LURAP1L: variants seen among roughly 807,000 people sequenced by gnomAD.
LURAP1L encodes leucine rich adaptor protein 1 like, also known as leucine rich adaptor protein 1-like.
A neutral mutation model predicts 13.8 loss-of-function variants in LURAP1L; 12 were observed. The observed-to-expected ratio is 0.87, with a 90% confidence interval of 0.56 to 1.41. The LOEUF (loss-of-function observed/expected upper bound fraction) is 1.41, where lower values mean the gene tolerates loss of function less well. LURAP1L is among the 40% of genes most tolerant of loss of function. The probability of loss-of-function intolerance (pLI) is 0.00; values close to 1 mark genes in which losing one functional copy is unlikely to be tolerated. For missense variants in LURAP1L, 375 were observed against 292.9 expected (o/e 1.28, Z -2.04); for synonymous variants, 139 against 119.2 (o/e 1.17, Z -1.08).
At chr9:12,790,727 G>C (rs952369804) in intron 1 of LURAP1L, 3 of 150,708 alleles carry the variant, frequency 2.0e-5, no homozygotes, top group African/African-American at 4.9e-5. Context: ...CGGAAGAGTA[G>C]AGAAATGAAA....
At chr9:12,795,675 C>CAACA (rs1296313553) in intron 1 of LURAP1L, among the ~76,000 whole-genome samples, 1 of 152,006 alleles carries the variant, frequency 6.6e-6, no homozygotes, top group Non-Finnish European at 1.5e-5. Context: ...GTTTGAAAGG[C>CAACA]AACACGACCA....
chr9:12,809,831 T>C (rs1819712374), intron 1 of LURAP1L, among the ~76,000 whole-genome samples: 1 of 152,236 alleles, frequency 6.6e-6, no homozygotes, highest in African/African-American at 2.4e-5. Flanking sequence ...TCTAGTATCC[T>C]TGCTTTTGTC....
intron 1 of LURAP1L, among the ~76,000 whole-genome samples, chr9:12,786,031 C>T (rs1303399113): frequency 6.6e-6 from 1 of 152,056 alleles, no homozygotes; most frequent in Admixed American, 6.6e-5. Flanking sequence ...GTTTGGATAT[C>T]ATTTTTCTTA....
intron 1 of LURAP1L, among the ~76,000 whole-genome samples, chr9:12,801,785 G>A (rs962402835): frequency 3.3e-5 from 5 of 152,158 alleles, no homozygotes; most frequent in African/African-American, 1.2e-4. Flanking sequence ...ACAAGAGGAA[G>A]AACATATTTG....
intron 1 of LURAP1L, chr9:12,777,204 G>A (rs752335124): frequency 1.0e-6 from 1 of 983,452 alleles, no homozygotes; most frequent in Non-Finnish European, 1.2e-6. Flanking sequence ...TTTTAGGTTG[G>A]ACAAAAATTT....
rs765252228 is a variant in LURAP1L, at chr9:12,775,963, G to A, written c.248G>A (p.Arg83Gln). The A allele has an allele frequency of 4.4e-6, 7 of 1,598,338 alleles. No homozygotes were observed. Among genetic ancestry groups the A allele is most frequent in the East Asian group, 2.3e-5 (1 of 43,950 alleles). ...SSSSPTSGSPRGSHSSALERL... is the reference protein window; with the variant it reads ...SSSSPTSGSPQGSHSSALERL... ...TCCTCCCCAACCTCTGGCTCCCCACGAGGTAGCCACTCTAGCGCCCTGGAG... is the reference window on the plus strand; with the variant it reads ...TCCTCCCCAACCTCTGGCTCCCCACAAGGTAGCCACTCTAGCGCCCTGGAG... The change falls in exon 1 of 2, where the codon CGA becomes CAA. Residue 83 changes from arginine (R) to glutamine (Q), a missense_variant. By Grantham distance (43) the Arg-to-Gln change is conservative. Transcript: ENST00000319264.
At chr9:12,801,608 A>G (rs535997487) in intron 1 of LURAP1L, among the ~76,000 whole-genome samples, 1 of 152,326 alleles carries the variant, frequency 6.6e-6, no homozygotes, top group African/African-American at 2.4e-5. Flanking sequence ...TAAATGGACA[A>G]ATGATAAATT....
chr9:12,820,178 A>G (rs1819854216), intron 1 of LURAP1L, among the ~76,000 whole-genome samples: 1 of 152,136 alleles, frequency 6.6e-6, no homozygotes, highest in Non-Finnish European at 1.5e-5. Flanking sequence ...CTGTGGAGAT[A>G]GATATCCCTG....
intron 1 of LURAP1L, among the ~76,000 whole-genome samples, chr9:12,788,495 C>G (rs865961339): frequency 6.6e-6 from 1 of 151,900 alleles, no homozygotes; most frequent in African/African-American, 2.4e-5. Context: ...AATAATAAAT[C>G]GGTACAAAAA....
At chr9:12,783,465 T>C (rs896452755) in intron 1 of LURAP1L, among the ~76,000 whole-genome samples, 1 of 152,208 alleles carries the variant, frequency 6.6e-6, no homozygotes, top group Non-Finnish European at 1.5e-5. Flanking sequence ...AATTATCATA[T>C]GGTTTATTCC....
chr9:12,811,673 A>G lies in LURAP1L; in HGVS notation c.313-9713A>G, dbSNP rs113333452. Among the ~76,000 whole-genome samples the G allele has an allele frequency of 2.6e-3, 394 of 152,362 alleles. 1 individual carries two copies. Among genetic ancestry groups the G allele is most frequent in the African/African-American group, 9.0e-3 (376 of 41,590 alleles). ...ATCAACAAAATTATCCACAAGTGGAAAGATCTCTAGGACCTTGCTAAAGTG... is the reference window on the plus strand; with the variant it reads ...ATCAACAAAATTATCCACAAGTGGAGAGATCTCTAGGACCTTGCTAAAGTG... On this transcript the variant is annotated intron_variant, in intron 1 of 1. Transcript: ENST00000319264.
intron 1 of LURAP1L, among the ~76,000 whole-genome samples, chr9:12,809,323 T>C (rs1397993353): frequency 2.0e-5 from 3 of 152,176 alleles, no homozygotes; most frequent in Non-Finnish European, 4.4e-5. Context: ...TTTTTATTTC[T>C]TTTTTCTTTT....
chr9:12,811,173 G>T lies in LURAP1L; in HGVS notation c.313-10213G>T, dbSNP rs1269033033. ...CTCAAAGCACATTTTGAAATTAAAT[G>T]AGGAATTCTGAAAAGCAAGATTGCA... On this transcript the variant is annotated intron_variant, in intron 1 of 1. Transcript: ENST00000319264. 4.6e-5 allele frequency among the ~76,000 whole-genome samples: 7 copies of T among 152,266 alleles called. No homozygotes were observed. The East Asian group carries it at 1.4e-3, about 29-fold the overall frequency.
At chr9:12,805,125 T>G (rs970757355) in intron 1 of LURAP1L, among the ~76,000 whole-genome samples, 4 of 152,142 alleles carry the variant, frequency 2.6e-5, no homozygotes, top group Admixed American at 2.0e-4. Flanking sequence ...TATCTAAAGA[T>G]TCATCTTGAT....
chr9:12,785,809 G>A (rs1474729796), intron 1 of LURAP1L, among the ~76,000 whole-genome samples: 3 of 152,154 alleles, frequency 2.0e-5, no homozygotes, highest in Non-Finnish European at 4.4e-5. Flanking sequence ...TCCTTGATAT[G>A]ATGTTAAAAC....
chr9:12,806,509 C>G (rs890349960), intron 1 of LURAP1L, among the ~76,000 whole-genome samples: 1 of 151,924 alleles, frequency 6.6e-6, no homozygotes, highest in Non-Finnish European at 1.5e-5. Context: ...AAAACTATAA[C>G]CACATAGATA....
At chr9:12,788,452 CA>C (rs1819393698) in intron 1 of LURAP1L, among the ~76,000 whole-genome samples, 1 of 151,862 alleles carries the variant, frequency 6.6e-6, no homozygotes, top group Non-Finnish European at 1.5e-5. Context: ...ATTCTGGTGC[CA>C]GTAACAATGT....
chr9:12,794,714 A>G (rs1256595965), intron 1 of LURAP1L, among the ~76,000 whole-genome samples: 48 of 151,944 alleles, frequency 3.2e-4, no homozygotes, highest in Admixed American at 3.2e-3. Flanking sequence ...AGCAACTGAG[A>G]CAGATGGAAA....
intron 1 of LURAP1L, among the ~76,000 whole-genome samples, chr9:12,797,700 TTTTA>T (rs1452193426): frequency 1.3e-5 from 2 of 152,252 alleles, no homozygotes; most frequent in South Asian, 2.1e-4. Context: ...TCTCTAAGGA[TTTTA>T]TTTAAGAATT....
Sources: gnomAD v4.1 joint callset for allele counts (sites outside exome capture counted in the v4.1 genomes callset) on GRCh38, gnomAD v4.1.1 for gene constraint, MANE v1.5 for transcripts, NCBI Gene and HGNC (gene_info 2026-07-23, HGNC 2026-07-21) for gene names.